Variants in ZWILCH observed in about 807,000 individuals in gnomAD.
ZWILCH encodes zwilch kinetochore protein, also known as protein zwilch homolog.
Under a neutral mutation model 79.9 loss-of-function variants are expected in ZWILCH, and 74 were observed. The ratio of observed to expected loss-of-function variants is 0.93; its 90% CI spans 0.77 to 1.12. The LOEUF is 1.12. Among genes scored for constraint, ZWILCH ranks in the 50% most tolerant of loss-of-function variants. ZWILCH has a pLI of 0.00. For synonymous variants in ZWILCH, 241 were observed against 228.2 expected (o/e 1.06, Z -0.51); for missense variants, 694 against 687.5 (o/e 1.01, Z -0.11).
chr15:66,516,496 A>G (rs571832411), intron 4 of ZWILCH, among the ~76,000 whole-genome samples: 1 of 152,104 alleles, frequency 6.6e-6, no homozygotes, highest in Admixed American at 6.6e-5. Context: ...GCTCTATAGA[A>G]GTTTTTTTTT....
intron 18 of ZWILCH, 177 bp downstream of exon 18, chr15:66,546,882 C>T: frequency 3.7e-6 from 1 of 267,804 alleles, no homozygotes; most frequent in Non-Finnish European, 7.0e-6. Flanking sequence ...TTTCTTTCTA[C>T]CTTTTGTGGT....
At chr15:66,525,426 A>G (rs1406393609) in intron 8 of ZWILCH, among the ~76,000 whole-genome samples, 1 of 152,158 alleles carries the variant, frequency 6.6e-6, no homozygotes, top group Non-Finnish European at 1.5e-5. Context: ...CCTATATTTT[A>G]TAAATGGATA....
chr15:66,521,852 A>G (rs1375307170), intron 7 of ZWILCH, among the ~76,000 whole-genome samples: 1 of 152,106 alleles, frequency 6.6e-6, no homozygotes, highest in Admixed American at 6.6e-5. Context: ...GAATCATTAT[A>G]ATATTAAGCC....
rs536047404 is a variant in ZWILCH, at chr15:66,539,401, CAAAAAAA to C, written c.1575-681_1575-675del. 8.6e-5 allele frequency among the ~76,000 whole-genome samples: 5 copies of C among 58,056 alleles called. No individual in the cohort carries two copies. The South Asian group carries it at 1.9e-3, about 22-fold the overall frequency. The allele number at this position is 58,056 out of a possible 152,430, so 38.1% of individuals were successfully genotyped here. On this transcript the variant is annotated intron_variant, in intron 16 of 18. Transcript: ENST00000307897. ...CCTGGGTGACAGAGCAAGACCCTGT[CAAAAAAA>C]AAAAAAAAAAAAAAAGATTACTGAG...
rs1179522512 is a variant in ZWILCH at position 66,549,586 on chromosome 15, A to C, written c.*1262A>C. 1 of 152,792 alleles carries C rather than the reference A, an allele frequency of 6.5e-6. No individual in the cohort carries two copies. Among genetic ancestry groups the C allele is most frequent in the Non-Finnish European group, 1.5e-5 (1 of 68,480 alleles). 9.5% of individuals were successfully genotyped at this position (152,792 alleles called of 1,614,324 possible). A position where few individuals can be genotyped will look rare whatever the true frequency, so the allele number is the denominator to read the frequency against. ...ACATAGGAAATGATGTCTTCTATGA[A>C]GACAGGGACCTTGTTTTGTTCCTGG... On this transcript the variant is annotated 3_prime_UTR_variant, in exon 19 of 19. Transcript: ENST00000307897.
At chr15:66,527,418 C>CA in intron 9 of ZWILCH, 35 bp downstream of exon 9, 2 of 1,475,604 alleles carry the variant, frequency 1.4e-6, no homozygotes, top group Non-Finnish European at 1.9e-6. Context: ...AGAATTTATA[C>CA]TTGCTATGTT....
chr15:66,527,790 G>GA, intron 9 of ZWILCH, 67 bp from the exon 10 acceptor site: 1 of 1,382,962 alleles, frequency 7.2e-7, no homozygotes, highest in South Asian at 1.2e-5. Flanking sequence ...TTTGAAAATA[G>GA]GATTAGGATG....
chr15:66,550,024 G>A lies in ZWILCH; in HGVS notation c.*1700G>A. On this transcript the variant is annotated 3_prime_UTR_variant, in exon 19 of 19. Transcript: ENST00000307897. ...AGTTTAATTATTAAAGGAAAACATTGAAATATACTGACTCACCTGCAGCAA... is the reference window on the plus strand; with the variant it reads ...AGTTTAATTATTAAAGGAAAACATTAAAATATACTGACTCACCTGCAGCAA... The A allele has an allele frequency of 6.4e-7, 1 of 1,552,894 alleles. No homozygotes were observed. The highest frequency in any genetic ancestry group is 8.7e-7 in the Non-Finnish European group (1 of 1,145,268).
chr15:66,514,306 A>G (rs937690177), intron 3 of ZWILCH: 1 of 256,096 alleles, frequency 3.9e-6, no homozygotes, highest in African/African-American at 2.4e-5. Flanking sequence ...AAATTCACTT[A>G]TTTCTTTTTT....
intron 4 of ZWILCH, among the ~76,000 whole-genome samples, chr15:66,517,756 A>T: frequency 2.1e-5 from 1 of 47,370 alleles, no homozygotes; most frequent in Non-Finnish European, 3.4e-5. Context: ...TTTTTTTGAG[A>T]CAGAGTCACT....
Position 66,517,430 on chromosome 15 carries a change from G to GTGTGTGTGTATA in ZWILCH, c.321-1448_321-1447insGTGTGTGTATAT. Among the ~76,000 whole-genome samples, 309 of 66,500 alleles carry GTGTGTGTGTATA rather than the reference G, an allele frequency of 4.6e-3. 1 individual carries two copies. Among genetic ancestry groups the GTGTGTGTGTATA allele is most frequent in the African/African-American group, 0.015 (252 of 16,326 alleles). 43.6% of individuals were successfully genotyped at this position (66,500 alleles called of 152,430 possible). ...TGTTTGTGTGTGCGTGTGTGTGTGT[G>GTGTGTGTGTATA]TATATATATATATATATATATATAT... On this transcript the variant is annotated intron_variant, in intron 4 of 18. Coordinates refer to ENST00000307897, the MANE Select transcript of ZWILCH (RefSeq NM_017975.5).
At chr15:66,538,624 G>T (rs888038022) in intron 16 of ZWILCH, among the ~76,000 whole-genome samples, 1 of 151,976 alleles carries the variant, frequency 6.6e-6, no homozygotes, top group Non-Finnish European at 1.5e-5. Flanking sequence ...CTGGTGATCC[G>T]ACCACCTGAG....
chr15:66,548,918 C>G lies in ZWILCH; in HGVS notation c.*594C>G, dbSNP rs1044085332. ...ATCTCAGAATATTAGCAGCCATATT[C>G]CACAGTTCCTATAATTTTTACTGGG... On this transcript the variant is annotated 3_prime_UTR_variant, in exon 19 of 19. Coordinates refer to ENST00000307897, the MANE Select transcript of ZWILCH (RefSeq NM_017975.5). 1.8e-5 allele frequency: 3 copies of G among 166,370 alleles called. No homozygotes were observed. Among genetic ancestry groups the G allele is most frequent in the African/African-American group, 4.8e-5 (2 of 42,022 alleles). 10.3% of individuals were successfully genotyped at this position (166,370 alleles called of 1,614,324 possible).
intron 4 of ZWILCH, among the ~76,000 whole-genome samples, chr15:66,517,030 A>G (rs1894288404): frequency 6.6e-6 from 1 of 152,132 alleles, no homozygotes; most frequent in African/African-American, 2.4e-5. Flanking sequence ...ATCCCCTAGA[A>G]ATTTTTTTCC....
Position 66,514,040 on chromosome 15 carries a change from AT to A in ZWILCH, c.159del (p.Asn53LysfsTer3), listed in dbSNP as rs2140747607. 1 of 1,612,538 alleles carries A rather than the reference AT, an allele frequency of 6.2e-7. No homozygotes were observed. The highest frequency in any genetic ancestry group is 2.2e-5 in the East Asian group (1 of 44,806). ...AAAGGCCAACCAAACCCTTTGAAAA[AT>A]ATTCTAAATGAAAATGACATAGTAT... The part of the protein sequence containing the change: ...ISKGQPNPLK[N>X]ILNENDIVFI... On this transcript the variant is annotated frameshift_variant, in exon 3 of 19. Transcript: ENST00000307897. LOFTEE classifies it high-confidence loss of function.
Position 66,514,058 on chromosome 15 carries a change from A to G in ZWILCH, c.176A>G (p.Asp59Gly), listed in dbSNP as rs560116307. 1.2e-6 allele frequency: 2 copies of G among 1,611,572 alleles called. No individual in the cohort carries two copies. Among genetic ancestry groups the G allele is most frequent in the South Asian group, 1.1e-5 (1 of 90,758 alleles). Residue 59 changes from aspartate (D) to glycine (G), a missense_variant, in exon 3 of 19, where the codon GAC (aspartate) becomes GGC (glycine). Physicochemically the swap from Asp to Gly is moderately conservative, Grantham distance 94 (BLOSUM62 -1). Transcript: ENST00000307897. ...TTGAAAAATATTCTAAATGAAAATG[A>G]CATAGTATTCATAGTGGAAAAAGTG... is the stretch of plus-strand genomic sequence containing the variant. ...NPLKNILNEN[D>G]IVFIVEKVPL... is the part of the protein sequence containing the mutation.
intron 8 of ZWILCH, among the ~76,000 whole-genome samples, chr15:66,526,890 T>A (rs1268481248): frequency 1.3e-5 from 2 of 152,198 alleles, no homozygotes; most frequent in African/African-American, 4.8e-5. Flanking sequence ...CTTATCCGTC[T>A]ATCTTTGCCA....
chr15:66,534,811 G>A (rs1386426756), intron 14 of ZWILCH, among the ~76,000 whole-genome samples: 2 of 151,998 alleles, frequency 1.3e-5, no homozygotes, highest in African/African-American at 4.8e-5. Flanking sequence ...GTACACTATT[G>A]TAGACTATAA....
chr15:66,513,437 A>T (rs766981525), intron 2 of ZWILCH, among the ~76,000 whole-genome samples: 26 of 152,062 alleles, frequency 1.7e-4, no homozygotes, highest in Non-Finnish European at 7.4e-5. Context: ...GCGGTGGCAC[A>T]CACCTGAAGT....
Sources: allele counts gnomAD v4.1 joint callset (sites outside exome capture counted in the v4.1 genomes callset), GRCh38; gene constraint gnomAD v4.1.1; transcripts MANE v1.5; gene names NCBI Gene and HGNC (gene_info 2026-07-23, HGNC 2026-07-21).